HACD1: variants seen among roughly 807,000 people sequenced by gnomAD.
The protein encoded by HACD1 is very-long-chain (3R)-3-hydroxyacyl-CoA dehydratase 1.
A neutral mutation model predicts 32.0 loss-of-function variants in HACD1; 41 were observed. The ratio of observed to expected loss-of-function variants is 1.28; its 90% CI spans 1.00 to 1.66. The LOEUF is 1.66. HACD1 is among the 40% of genes most tolerant of loss of function. The pLI is 0.00. For synonymous variants in HACD1, 142 were observed against 139.0 expected (o/e 1.02, Z -0.15); for missense variants, 396 against 380.1 (o/e 1.04, Z -0.35).
intron 1 of HACD1, among the ~76,000 whole-genome samples, chr10:17,609,951 C>T (rs1554817343): frequency 6.7e-6 from 1 of 150,238 alleles, no homozygotes; most frequent in Non-Finnish European, 1.5e-5. Context: ...CCACTGCACT[C>T]CAGCGTAGGT....
chr10:17,603,808 A>T (rs1412570826), intron 2 of HACD1, 64 bp from the exon 3 acceptor site: 72 of 1,532,022 alleles, frequency 4.7e-5, no homozygotes, highest in Non-Finnish European at 6.3e-5. Context: ...ACCACTGTCA[A>T]CATTGGCATT....
At chr10:17,601,637 G>A (rs1834071727) in intron 4 of HACD1, among the ~76,000 whole-genome samples, 1 of 152,068 alleles carries the variant, frequency 6.6e-6, no homozygotes, top group Non-Finnish European at 1.5e-5. Context: ...TCCTAACTCA[G>A]CTATTATATT....
chr10:17,609,224 G>A (rs1363067315), intron 1 of HACD1, among the ~76,000 whole-genome samples: 3 of 147,480 alleles, frequency 2.0e-5, no homozygotes, highest in Non-Finnish European at 4.4e-5. Flanking sequence ...GCGCGATCTC[G>A]GCTCACTGCA....
chr10:17,596,633 A>G (rs1465160915), intron 5 of HACD1, among the ~76,000 whole-genome samples: 1 of 152,052 alleles, frequency 6.6e-6, no homozygotes, highest in African/African-American at 2.4e-5. Context: ...CTTCAAAAAG[A>G]TTGCATGTTA....
intron 1 of HACD1, among the ~76,000 whole-genome samples, chr10:17,609,534 G>A (rs1834200612): frequency 6.6e-6 from 1 of 152,076 alleles, no homozygotes; most frequent in Non-Finnish European, 1.5e-5. Flanking sequence ...ACTCAGTATC[G>A]TTAGCTACTA....
At chr10:17,601,855 A>G (rs544182170) in intron 4 of HACD1, among the ~76,000 whole-genome samples, 1 of 152,214 alleles carries the variant, frequency 6.6e-6, no homozygotes, top group East Asian at 1.9e-4. Context: ...TAAAGTATAA[A>G]GAGCAGGAGG....
At chr10:17,597,202 C>T (rs1834005592) in intron 5 of HACD1, among the ~76,000 whole-genome samples, 1 of 152,166 alleles carries the variant, frequency 6.6e-6, no homozygotes, top group Non-Finnish European at 1.5e-5. Context: ...AGCTGGAGTG[C>T]AGTGGTGTGA....
At chr10:17,607,045 G>C (rs1458438298) in intron 1 of HACD1, among the ~76,000 whole-genome samples, 1 of 152,068 alleles carries the variant, frequency 6.6e-6, no homozygotes, top group Non-Finnish European at 1.5e-5. Flanking sequence ...TGAGATACCA[G>C]TTAATGATAG....
chr10:17,608,661 A>G (rs1834182798), intron 1 of HACD1, among the ~76,000 whole-genome samples: 1 of 150,906 alleles, frequency 6.6e-6, no homozygotes, highest in East Asian at 2.0e-4. Flanking sequence ...TAATTTTTGT[A>G]TTTTTAGTAG....
intron 1 of HACD1, among the ~76,000 whole-genome samples, chr10:17,606,696 A>C (rs554665519): frequency 3.3e-4 from 51 of 152,328 alleles, no homozygotes; most frequent in Non-Finnish European, 3.8e-4. Flanking sequence ...AGAACATAAT[A>C]AGGTAAAAGC....
chr10:17,598,659 C>T (rs1554816202), intron 5 of HACD1, among the ~76,000 whole-genome samples: 2 of 152,178 alleles, frequency 1.3e-5, no homozygotes, highest in Non-Finnish European at 1.5e-5. Flanking sequence ...GTGACTTGTT[C>T]TCCAAAGAGC....
At chr10:17,594,409 T>A (rs782388329) in intron 5 of HACD1, 26 bp from the exon 6 acceptor site, 2 of 1,426,048 alleles carry the variant, frequency 1.4e-6, no homozygotes, top group Admixed American at 5.0e-5. Context: ...CCTCAGAGAA[T>A]TATTTTTCTA....
At chr10:17,602,413 T>C (rs1554816626) in intron 4 of HACD1, among the ~76,000 whole-genome samples, 1 of 152,136 alleles carries the variant, frequency 6.6e-6, no homozygotes, top group African/African-American at 2.4e-5. Context: ...CATAGCAGCA[T>C]GGTGTCTATC....
chr10:17,603,980 T>G lies in HACD1; in HGVS notation c.325A>C (p.Lys109Gln), dbSNP rs376285000. The G allele has an allele frequency of 3.7e-6, 6 of 1,612,524 alleles. No individual in the cohort carries two copies. The highest frequency in any genetic ancestry group is 5.1e-6 in the Non-Finnish European group (6 of 1,179,576). Residue 109 changes from lysine to glutamine, a missense_variant, in exon 2 of 7, where the codon AAA (lysine) becomes CAA (glutamine). Lys to Gln is a moderately conservative substitution (Grantham distance 53, BLOSUM62 1). Transcript: ENST00000361271. ...AATTTAAGTGTCTTCTGAATACTTT[T>G]ATATAAACCTCTGTGTGTTCCTTTT... ...MEKGTHRGLY[K>Q]SIQKTLKFFQ...
intron 4 of HACD1, chr10:17,603,297 GA>G: frequency 3.1e-6 from 1 of 323,138 alleles, no homozygotes; most frequent in South Asian, 6.1e-5. Flanking sequence ...TTATTTGACA[GA>G]ACCTGAATAC....
chr10:17,592,372 C>A (rs1049436062), intron 6 of HACD1, among the ~76,000 whole-genome samples: 2 of 151,950 alleles, frequency 1.3e-5, no homozygotes, highest in Non-Finnish European at 1.5e-5. Context: ...ACTAAGTACT[C>A]AAAAAGTACT....
chr10:17,604,049 T>TAA lies in HACD1; in HGVS notation c.258-4_258-3dup, dbSNP rs76004443. 3.0e-5 allele frequency: 37 copies of TAA among 1,226,540 alleles called. No individual in the cohort carries two copies. The highest frequency in any genetic ancestry group is 5.9e-5 in the East Asian group (2 of 33,888). The allele number at this position is 1,226,540 out of a possible 1,614,324, so 76.0% of individuals were successfully genotyped here. A position where few individuals can be genotyped will look rare whatever the true frequency, so the allele number is the denominator to read the frequency against. On this transcript the variant is annotated splice_polypyrimidine_tract_variant and splice_region_variant and intron_variant, in intron 1 of 6. Coordinates refer to ENST00000361271, the MANE Select transcript of HACD1 (RefSeq NM_014241.4). ...ATGGCAATAGCTAGAACCAACCACC[T>TAA]AAAAAAAAAAAGTATTTCATAAAGT...
intron 6 of HACD1, among the ~76,000 whole-genome samples, chr10:17,592,612 C>CT (rs1833943366): frequency 1.3e-5 from 2 of 152,072 alleles, no homozygotes; most frequent in Admixed American, 1.3e-4. Context: ...GCTTCAGGCT[C>CT]TCCATTTCCA....
At chr10:17,605,466 A>C (rs1302863989) in intron 1 of HACD1, among the ~76,000 whole-genome samples, 2 of 151,386 alleles carry the variant, frequency 1.3e-5, no homozygotes, top group Admixed American at 1.3e-4. Flanking sequence ...TGGAGGTTGC[A>C]GTGAGCCAAG....
Sources: gnomAD v4.1 joint callset for allele counts (sites outside exome capture counted in the v4.1 genomes callset) on GRCh38, gnomAD v4.1.1 for gene constraint, MANE v1.5 for transcripts, NCBI Gene and HGNC (gene_info 2026-07-23, HGNC 2026-07-21) for gene names.